PCDHA9: variants seen among roughly 807,000 people sequenced by gnomAD.
PCDHA9 encodes the protein protocadherin alpha 9, also known as protocadherin alpha-9.
A neutral mutation model predicts 62.0 loss-of-function variants in PCDHA9; 62 were observed. That is an observed-to-expected ratio of 1.00 (90% CI 0.81 to 1.23). The LOEUF is 1.23. Among genes scored for constraint, PCDHA9 ranks in the 50% most tolerant of loss-of-function variants. The pLI is 0.00. For synonymous variants in PCDHA9, 557 were observed against 567.6 expected (o/e 0.98, Z 0.27); for missense variants, 1,205 against 1,249.8 (o/e 0.96, Z 0.54).
chr5:140,860,192 C>CATATATATATATAT (rs143984774), intron 1 of PCDHA9: 1 of 146,860 alleles, frequency 6.8e-6, no homozygotes, highest in African/African-American at 2.5e-5. Context: ...GCTCTCCTTA[C>CATATATATATATAT]ATATATATCT....
At position 140,853,566 on chromosome 5, in the gene PCDHA9, G is replaced by A; in HGVS notation, c.2394+2677G>A. 2.0e-6 allele frequency: 2 copies of A among 981,338 alleles called. 1 individual carries two copies. The highest frequency in any genetic ancestry group is 2.5e-6 in the Non-Finnish European group (2 of 813,850). 60.8% of individuals were successfully genotyped at this position (981,338 alleles called of 1,614,324 possible). A position where few individuals can be genotyped will look rare whatever the true frequency, so the allele number is the denominator to read the frequency against. ...GTAATTACTATATAGGAAAAACTAA[G>A]TTGTCACCCAATATCTTAGACACTT... On this transcript the variant is annotated intron_variant, in intron 1 of 3. Transcript: ENST00000532602.
intron 1 of PCDHA9, chr5:140,851,871 G>A (rs2042184673): frequency 2.0e-6 from 2 of 977,226 alleles, no homozygotes; most frequent in South Asian, 9.5e-5. Context: ...CATAACACAA[G>A]GCAGAAATCT....
chr5:140,856,168 C>T lies in PCDHA9; in HGVS notation c.2394+5279C>T, dbSNP rs781959235. On this transcript the variant is annotated intron_variant, in intron 1 of 3. Transcript: ENST00000532602. ...ACTCAGTCTACGAGGAGGCCAGACA[C>T]GGCACCTTCGTGGGCCGCATCGCGC... 25 of 1,598,198 alleles carry T rather than the reference C, an allele frequency of 1.6e-5. 4 individuals carry two copies. The highest frequency in any genetic ancestry group is 2.1e-5 in the Non-Finnish European group (24 of 1,167,912).
At chr5:140,875,228 T>C in intron 1 of PCDHA9, 5 of 832,094 alleles carry the variant, frequency 6.0e-6, no homozygotes, top group Non-Finnish European at 8.6e-6. Flanking sequence ...CTCAGGATCT[T>C]TCTTGTACTT....
At chr5:140,928,639 G>A in intron 1 of PCDHA9, 1 of 1,614,218 alleles carries the variant, frequency 6.2e-7, no homozygotes, top group Non-Finnish European at 8.5e-7. Context: ...GGTCACAAAA[G>A]TGGTAGCAGA....
chr5:140,856,558 A>T lies in PCDHA9; in HGVS notation c.2394+5669A>T, dbSNP rs372031038. 2.5e-6 allele frequency: 4 copies of T among 1,598,086 alleles called. 1 individual carries two copies. The East Asian group carries it at 8.9e-5, about 36-fold the overall frequency. ...GAGAGAACGCATTGCTTACTTACAA[A>T]CTCAGTCCAAATGAGTATTTTGTTC... is the stretch of plus-strand genomic sequence containing the variant. On this transcript the variant is annotated intron_variant, in intron 1 of 3. Coordinates refer to ENST00000532602, the MANE Select transcript of PCDHA9 (RefSeq NM_031857.2).
rs1310704954 is a variant in PCDHA9, at chr5:141,010,062, A to C, written c.*125A>C. 1.2e-6 allele frequency: 2 copies of C among 1,602,540 alleles called. No homozygotes were observed. The highest frequency in any genetic ancestry group is 1.7e-6 in the Non-Finnish European group (2 of 1,174,354). Reference sequence around the variant, plus strand: ...CCTCTTAGAGACCTCAGAAATCTGCAGAAAGTTCCCTGTGTCTGTCTAGAA... The same window carrying C: ...CCTCTTAGAGACCTCAGAAATCTGCCGAAAGTTCCCTGTGTCTGTCTAGAA... On this transcript the variant is annotated 3_prime_UTR_variant, in exon 4 of 4. Transcript: ENST00000532602.
chr5:140,934,262 TAATC>T (rs1554209807), intron 1 of PCDHA9, among the ~76,000 whole-genome samples: 1 of 152,136 alleles, frequency 6.6e-6, no homozygotes, highest in Non-Finnish European at 1.5e-5. Flanking sequence ...AAATTAATAA[TAATC>T]AGTGCTTCAT....
At chr5:140,968,808 T>C in intron 1 of PCDHA9, 1 of 1,614,204 alleles carries the variant, frequency 6.2e-7, no homozygotes, top group South Asian at 1.1e-5. Context: ...GTAGCTGTGG[T>C]GGATAGGGTT....
intron 1 of PCDHA9, among the ~76,000 whole-genome samples, chr5:140,896,063 G>A (rs531616608): frequency 1.4e-3 from 217 of 152,130 alleles, no homozygotes; most frequent in African/African-American, 4.7e-3. Flanking sequence ...CGCCTGCCTC[G>A]GCCTCCCAAC....
intron 1 of PCDHA9, among the ~76,000 whole-genome samples, chr5:140,946,909 C>G (rs1290458457): frequency 6.6e-6 from 1 of 151,234 alleles, no homozygotes; most frequent in Non-Finnish European, 1.5e-5. Flanking sequence ...AGAATAAGTT[C>G]TGGTGTTTTA....
intron 1 of PCDHA9, among the ~76,000 whole-genome samples, chr5:140,920,752 G>A (rs2079807244): frequency 6.6e-6 from 1 of 151,768 alleles, no homozygotes; most frequent in African/African-American, 2.4e-5. Context: ...GCTGAGGCAG[G>A]AGAATTGCTT....
chr5:140,858,622 G>T, intron 1 of PCDHA9: 1 of 1,136,482 alleles, frequency 8.8e-7, no homozygotes, highest in Non-Finnish European at 1.2e-6. Flanking sequence ...ATCCTACCCA[G>T]TGTGTCAGCC....
intron 1 of PCDHA9, among the ~76,000 whole-genome samples, chr5:140,892,375 A>G (rs1032467069): frequency 1.3e-5 from 2 of 152,226 alleles, no homozygotes; most frequent in African/African-American, 4.8e-5. Flanking sequence ...GGCACTAGCA[A>G]TCATGGGTAA....
chr5:140,887,140 A>T (rs1414836088), intron 1 of PCDHA9, among the ~76,000 whole-genome samples: 3 of 150,560 alleles, frequency 2.0e-5, no homozygotes, highest in Non-Finnish European at 4.4e-5. Context: ...TCTGTCGCCC[A>T]GGCTGGAGTA....
At chr5:140,871,609 A>G (rs1554165776) in intron 1 of PCDHA9, 1 of 1,428,296 alleles carries the variant, frequency 7.0e-7, no homozygotes, top group East Asian at 2.5e-5. Flanking sequence ...TGTTTTGAAT[A>G]TTGTTTTAGA....
Position 140,873,293 on chromosome 5 carries a change from A to G in PCDHA9, c.2394+22404A>G, listed in dbSNP as rs189607123. Reference sequence around the variant, plus strand: ...ACCATCATACCACTTATGAAACTTTATAAATATAATAAAGGTGAATATTAG... The same window carrying G: ...ACCATCATACCACTTATGAAACTTTGTAAATATAATAAAGGTGAATATTAG... On this transcript the variant is annotated intron_variant, in intron 1 of 3. Transcript: ENST00000532602. Among the ~76,000 whole-genome samples, 54 of 152,366 alleles carry G rather than the reference A, an allele frequency of 3.5e-4. No homozygotes were observed. In the East Asian group the frequency reaches 0.01, roughly 29 times the overall value.
Position 140,856,846 on chromosome 5 carries a change from T to C in PCDHA9, c.2394+5957T>C. On this transcript the variant is annotated intron_variant, in intron 1 of 3. Coordinates refer to ENST00000532602, the MANE Select transcript of PCDHA9 (RefSeq NM_031857.2). Reference sequence around the variant, plus strand: ...CATTAGTAATACGGCTCAACGCTTCTGATTCGGATGAAGGAATAAACAAGG... The same window carrying C: ...CATTAGTAATACGGCTCAACGCTTCCGATTCGGATGAAGGAATAAACAAGG... 3.8e-6 allele frequency: 6 copies of C among 1,593,220 alleles called. 1 individual carries two copies. Among genetic ancestry groups the C allele is most frequent in the Non-Finnish European group, 5.2e-6 (6 of 1,163,214 alleles).
chr5:140,908,169 C>T (rs1361651305), intron 1 of PCDHA9, among the ~76,000 whole-genome samples: 2 of 152,192 alleles, frequency 1.3e-5, no homozygotes, highest in African/African-American at 4.8e-5. Context: ...TGTAGTGCTG[C>T]AGCTGTCCAC....
Sources: allele counts gnomAD v4.1 joint callset (sites outside exome capture counted in the v4.1 genomes callset), GRCh38; gene constraint gnomAD v4.1.1; transcripts MANE v1.5; gene names NCBI Gene and HGNC (gene_info 2026-07-23, HGNC 2026-07-21).